Variants in PPFIA2 observed in about 807,000 individuals in gnomAD.
PPFIA2 encodes liprin-alpha-2.
Under a neutral mutation model 175.5 loss-of-function variants are expected in PPFIA2, and 46 were observed. The ratio of observed to expected loss-of-function variants is 0.26; its 90% CI spans 0.21 to 0.34. The LOEUF (loss-of-function observed/expected upper bound fraction) is 0.34. Among genes scored for constraint, PPFIA2 ranks in the 10% least tolerant of loss-of-function variants. PPFIA2 has a pLI of 1.00. For synonymous variants in PPFIA2, 568 were observed against 511.4 expected, an observed-to-expected ratio of 1.11 and a Z score of -1.49; for missense variants, 1,179 against 1,506.1, an observed-to-expected ratio of 0.78 and a Z score of 3.60.
At chr12:81,489,490 T>C (rs1436401186) in intron 4 of PPFIA2, among the ~76,000 whole-genome samples, 2 of 151,884 alleles carry the variant, frequency 1.3e-5, no homozygotes, top group Admixed American at 1.3e-4. Context: ...CATTAGACAG[T>C]TTTGATTATG....
chr12:81,728,483 G>A (rs1032804088), intron 3 of PPFIA2, among the ~76,000 whole-genome samples: 2 of 151,244 alleles, frequency 1.3e-5, no homozygotes, highest in Non-Finnish European at 3.0e-5. Context: ...TTTAAATAGT[G>A]CAAGATGAGA....
At chr12:81,671,173 T>A (rs565732643) in intron 4 of PPFIA2, among the ~76,000 whole-genome samples, 3 of 151,856 alleles carry the variant, frequency 2.0e-5, no homozygotes, top group Non-Finnish European at 4.4e-5. Flanking sequence ...TGGTTTCTTG[T>A]CACGATGAAT....
intron 4 of PPFIA2, among the ~76,000 whole-genome samples, chr12:81,473,976 T>C (rs1345681456): frequency 6.6e-6 from 1 of 152,192 alleles, no homozygotes; most frequent in African/African-American, 2.4e-5. Flanking sequence ...TGTCAAAGTG[T>C]GTATTCAGAT....
intron 3 of PPFIA2, among the ~76,000 whole-genome samples, chr12:81,722,187 A>G (rs1432253648): frequency 6.6e-6 from 1 of 151,000 alleles, no homozygotes; most frequent in Admixed American, 6.6e-5. Context: ...ATTCAATGTG[A>G]CTCATTCCTC....
chr12:81,527,020 T>C (rs774186093), intron 4 of PPFIA2, among the ~76,000 whole-genome samples: 1 of 152,174 alleles, frequency 6.6e-6, no homozygotes, highest in East Asian at 1.9e-4. Flanking sequence ...TGGTGGGAAC[T>C]TCACATAATT....
chr12:81,532,810 T>C (rs1178718584), intron 4 of PPFIA2, among the ~76,000 whole-genome samples: 1 of 151,790 alleles, frequency 6.6e-6, no homozygotes, highest in Non-Finnish European at 1.5e-5. Flanking sequence ...CCTCATGCCA[T>C]AACCTCCTTC....
intron 4 of PPFIA2, among the ~76,000 whole-genome samples, chr12:81,497,265 C>G (rs1412721508): frequency 6.6e-6 from 1 of 152,122 alleles, no homozygotes; most frequent in African/African-American, 2.4e-5. Flanking sequence ...ACCAAGCCCA[C>G]ATTTTCAGAT....
At chr12:81,522,689 C>T (rs939931501) in intron 4 of PPFIA2, among the ~76,000 whole-genome samples, 6 of 152,098 alleles carry the variant, frequency 3.9e-5, no homozygotes, top group African/African-American at 7.2e-5. Context: ...ACTTCCCTGC[C>T]GTCCAAATTT....
intron 28 of PPFIA2, among the ~76,000 whole-genome samples, chr12:81,277,083 G>A (rs1882179): frequency 0.69 from 104,757 of 151,946 alleles, 36,571 homozygotes; most frequent in Non-Finnish European, 0.76. Flanking sequence ...ACATAAATAA[G>A]TCTCAATTCA....
chr12:81,411,434 C>A (rs186215976), intron 7 of PPFIA2, among the ~76,000 whole-genome samples: 2 of 152,044 alleles, frequency 1.3e-5, no homozygotes, highest in East Asian at 3.9e-4. Context: ...CTCTCAAACA[C>A]GTTATATTTT....
intron 4 of PPFIA2, among the ~76,000 whole-genome samples, chr12:81,619,040 C>T (rs1050962989): frequency 1.3e-5 from 2 of 152,090 alleles, no homozygotes; most frequent in South Asian, 2.1e-4. Context: ...AAATAAAACA[C>T]AAAAATTGCT....
chr12:81,661,409 G>A (rs1283711298), intron 4 of PPFIA2, among the ~76,000 whole-genome samples: 9 of 152,160 alleles, frequency 5.9e-5, no homozygotes, highest in East Asian at 5.8e-4. Flanking sequence ...CTAGTCTCTG[G>A]TAAAACAGAC....
chr12:81,646,857 A>G (rs2066158214), intron 4 of PPFIA2, among the ~76,000 whole-genome samples: 1 of 150,670 alleles, frequency 6.6e-6, no homozygotes, highest in Non-Finnish European at 1.5e-5. Context: ...TATGGAAGGA[A>G]GGAGGGAAGG....
At chr12:81,698,836 T>C (rs181002662) in intron 3 of PPFIA2, among the ~76,000 whole-genome samples, 14 of 152,112 alleles carry the variant, frequency 9.2e-5, no homozygotes, top group African/African-American at 3.1e-4. Flanking sequence ...TTTTCTCCTT[T>C]AAAGTAGTGG....
intron 4 of PPFIA2, chr12:81,505,853 G>A (rs960179924): frequency 6.6e-6 from 1 of 152,314 alleles, no homozygotes; most frequent in African/African-American, 2.4e-5. Context: ...TCAGAGCATT[G>A]GATTAGGGAT....
At chr12:81,687,217 C>T (rs17689780) in intron 3 of PPFIA2, among the ~76,000 whole-genome samples, 1 of 151,988 alleles carries the variant, frequency 6.6e-6, no homozygotes, top group Non-Finnish European at 1.5e-5. Context: ...GAAAGATAAT[C>T]AAACCTCTGT....
chr12:81,476,487 G>A (rs146122723), intron 4 of PPFIA2, among the ~76,000 whole-genome samples: 7 of 152,244 alleles, frequency 4.6e-5, no homozygotes, highest in Admixed American at 4.6e-4. Flanking sequence ...ATGATTAAAT[G>A]TGACATAAAA....
At chr12:81,377,109 AG>A (rs1313265463) in intron 9 of PPFIA2, among the ~76,000 whole-genome samples, 1 of 152,184 alleles carries the variant, frequency 6.6e-6, no homozygotes, top group Non-Finnish European at 1.5e-5. Context: ...AGTGGATAAA[AG>A]GGTTGAAATT....
chr12:81,306,912 A>T (rs1264105714), intron 22 of PPFIA2, among the ~76,000 whole-genome samples: 4 of 152,072 alleles, frequency 2.6e-5, no homozygotes, highest in Non-Finnish European at 5.9e-5. Context: ...TGTCTAAAAG[A>T]TTATTTTTAA....
Sources: gnomAD v4.1 joint callset for allele counts (sites outside exome capture counted in the v4.1 genomes callset) on GRCh38, gnomAD v4.1.1 for gene constraint, MANE v1.5 for transcripts, NCBI Gene and HGNC (gene_info 2026-07-23, HGNC 2026-07-21) for gene names.